The following SKI variants were observed in gnomAD, a reference collection of about 807,000 sequenced individuals.
SKI encodes SKI proto-oncogene, also known as ski oncogene.
In SKI, 23 loss-of-function variants were observed where a neutral mutation model predicts 59.3. The observed-to-expected ratio is 0.39, with a 90% CI of 0.28 to 0.55. The LOEUF is 0.55. Among genes scored for constraint, SKI ranks in the 20% least tolerant of loss-of-function variants. SKI has a pLI of 0.67. For synonymous variants in SKI, 673 were observed against 488.6 expected, an observed-to-expected ratio of 1.38 and a Z score of -4.98; for missense variants, 1,017 against 1,038.9, an observed-to-expected ratio of 0.98 and a Z score of 0.29.
At chr1:2,296,087 A>C (rs1640278024) in intron 1 of SKI, among the ~76,000 whole-genome samples, 1 of 152,090 alleles carries the variant, frequency 6.6e-6, no homozygotes, top group African/African-American at 2.4e-5. Context: ...ACACTTGTCC[A>C]AACTAAAAAA....
At chr1:2,304,725 G>A in intron 5 of SKI, 140 bp downstream of exon 5, 1 of 1,381,960 alleles carries the variant, frequency 7.2e-7, no homozygotes. Context: ...CAGTGGGCCT[G>A]CCTGGGACCT....
intron 1 of SKI, among the ~76,000 whole-genome samples, chr1:2,250,196 G>A (rs1274963916): frequency 1.3e-5 from 2 of 152,186 alleles, no homozygotes; most frequent in African/African-American, 4.8e-5. Flanking sequence ...ATGAGCCATC[G>A]CACCTGGCCA....
chr1:2,302,910 C>G (rs550591873), intron 1 of SKI, 68 bp from the exon 2 acceptor site: 26 of 1,608,244 alleles, frequency 1.6e-5, no homozygotes, highest in Non-Finnish European at 2.1e-5. Context: ...ATGTGCCAGC[C>G]ACGGGGCTGG....
chr1:2,288,955 G>A (rs1557842479), intron 1 of SKI, among the ~76,000 whole-genome samples: 1 of 152,204 alleles, frequency 6.6e-6, no homozygotes. Context: ...CAGGTGACGG[G>A]AGCTGCCTCG....
chr1:2,260,535 C>CTTTT (rs3065260), intron 1 of SKI, among the ~76,000 whole-genome samples: 1,303 of 67,712 alleles, frequency 0.019, 150 homozygotes, highest in East Asian at 0.034. Context: ...TGTTCTTTTT[C>CTTTT]TTTTTTTTTT....
At chr1:2,250,078 G>A (rs898590334) in intron 1 of SKI, among the ~76,000 whole-genome samples, 6 of 152,064 alleles carry the variant, frequency 3.9e-5, no homozygotes, top group African/African-American at 1.4e-4. Context: ...GCTAATATTT[G>A]TATTTTTAGT....
At chr1:2,302,205 C>T (rs893416753) in intron 1 of SKI, among the ~76,000 whole-genome samples, 7 of 152,070 alleles carry the variant, frequency 4.6e-5, no homozygotes, top group Non-Finnish European at 1.0e-4. Flanking sequence ...GGCACCTTCG[C>T]TAAGCTTCCT....
chr1:2,295,814 G>A (rs553462695), intron 1 of SKI, among the ~76,000 whole-genome samples: 2 of 152,304 alleles, frequency 1.3e-5, no homozygotes, highest in South Asian at 4.1e-4. Context: ...ATACTCCATT[G>A]TCTGCACAGA....
intron 1 of SKI, among the ~76,000 whole-genome samples, chr1:2,297,895 C>A (rs1354181018): frequency 6.6e-6 from 1 of 152,232 alleles, no homozygotes; most frequent in Non-Finnish European, 1.5e-5. Context: ...GTGGCTGCAG[C>A]CTGGCAGGAG....
intron 1 of SKI, among the ~76,000 whole-genome samples, chr1:2,263,739 G>A (rs868046821): frequency 6.6e-6 from 1 of 151,018 alleles, no homozygotes. Context: ...GCTCATGCCT[G>A]TAATCCCAGC....
chr1:2,258,542 G>A (rs1454249496), intron 1 of SKI, among the ~76,000 whole-genome samples: 1 of 151,138 alleles, frequency 6.6e-6, no homozygotes, highest in Non-Finnish European at 1.5e-5. Context: ...GCTTGGTCGG[G>A]GAACTCATGT....
chr1:2,289,645 G>T (rs1046862161), intron 1 of SKI, among the ~76,000 whole-genome samples: 1 of 151,590 alleles, frequency 6.6e-6, no homozygotes, highest in African/African-American at 2.4e-5. Flanking sequence ...AGCACAGGTC[G>T]TGCTCCCGGG....
At chr1:2,283,199 C>G (rs1010657627) in intron 1 of SKI, among the ~76,000 whole-genome samples, 3 of 152,200 alleles carry the variant, frequency 2.0e-5, no homozygotes, top group Non-Finnish European at 4.4e-5. Flanking sequence ...GGTGCCGGTG[C>G]GCCCCTCCTA....
chr1:2,234,038 C>G (rs544374770), intron 1 of SKI, among the ~76,000 whole-genome samples: 6 of 152,218 alleles, frequency 3.9e-5, no homozygotes, highest in Non-Finnish European at 5.9e-5. Context: ...TCCCTGTAGT[C>G]TTGGGCCATG....
intron 1 of SKI, among the ~76,000 whole-genome samples, chr1:2,251,190 G>A (rs562307458): frequency 6.6e-5 from 10 of 152,198 alleles, no homozygotes; most frequent in Admixed American, 5.9e-4. Context: ...GACCGTGTTC[G>A]GAAAGAGTCA....
chr1:2,299,674 G>A (rs1172230171), intron 1 of SKI, among the ~76,000 whole-genome samples: 3 of 152,210 alleles, frequency 2.0e-5, no homozygotes, highest in Admixed American at 6.5e-5. Flanking sequence ...GGGGCCTGGG[G>A]AAGGGAGATG....
intron 1 of SKI, among the ~76,000 whole-genome samples, chr1:2,286,737 G>C (rs1226699947): frequency 6.6e-6 from 1 of 152,202 alleles, no homozygotes; most frequent in Non-Finnish European, 1.5e-5. Context: ...GTGGGCGCCT[G>C]TCTCCCTCCC....
At chr1:2,287,537 T>C (rs1220737267) in intron 1 of SKI, among the ~76,000 whole-genome samples, 2 of 152,006 alleles carry the variant, frequency 1.3e-5, no homozygotes, top group Non-Finnish European at 2.9e-5. Context: ...GGGGTTTCAC[T>C]GTGTTAGCCA....
chr1:2,270,456 C>T lies in SKI; in HGVS notation c.970-32522C>T, dbSNP rs556872554. 7.2e-5 allele frequency among the ~76,000 whole-genome samples: 11 copies of T among 152,266 alleles called. No homozygotes were observed. The highest frequency in any genetic ancestry group is 1.3e-4 in the Non-Finnish European group (9 of 68,014). Reference sequence around the variant, plus strand: ...TGGCCACAGGGCCTGGGCTTTGTCCCGTTTACGAGAGGTCAGGCGGTCACA... The same window carrying T: ...TGGCCACAGGGCCTGGGCTTTGTCCTGTTTACGAGAGGTCAGGCGGTCACA... On this transcript the variant is annotated intron_variant, in intron 1 of 6. Coordinates refer to ENST00000378536, the MANE Select transcript of SKI (RefSeq NM_003036.4). The surrounding 1 kb of genome is among the most constrained non-coding windows in gnomAD (Gnocchi z 4.1).
Sources: allele counts gnomAD v4.1 joint callset (sites outside exome capture counted in the v4.1 genomes callset), GRCh38; gene constraint gnomAD v4.1.1; non-coding constraint Gnocchi (gnomAD v3.1); transcripts MANE v1.5; gene names NCBI Gene and HGNC (gene_info 2026-07-23, HGNC 2026-07-21).